PRKCQ: variants seen among roughly 807,000 people sequenced by gnomAD.
PRKCQ encodes protein kinase C theta type.
Under a neutral mutation model 91.2 loss-of-function variants are expected in PRKCQ, and 41 were observed. The observed-to-expected ratio is 0.45, with a 90% CI of 0.35 to 0.58. PRKCQ has a LOEUF of 0.58. Among genes scored for constraint, PRKCQ ranks in the 20% least tolerant of loss-of-function variants. The pLI, the probability that PRKCQ is intolerant of heterozygous loss-of-function variation, is 0.00. For synonymous variants in PRKCQ, 307 were observed against 316.9 expected, an observed-to-expected ratio of 0.97 and a Z score of 0.33; for missense variants, 673 against 896.5, an observed-to-expected ratio of 0.75 and a Z score of 3.18.
chr10:6,525,763 G>A (rs1839175803), intron 1 of PRKCQ, among the ~76,000 whole-genome samples: 1 of 152,150 alleles, frequency 6.6e-6, no homozygotes, highest in Non-Finnish European at 1.5e-5. Context: ...TCCCAGGTTG[G>A]TTTCTTTGAG....
chr10:6,488,812 C>CCATGTTGGCCAGGCTGGTCTCCAACT (rs1837087015), intron 8 of PRKCQ, among the ~76,000 whole-genome samples: 1 of 152,172 alleles, frequency 6.6e-6, no homozygotes, highest in African/African-American at 2.4e-5. Context: ...CAGGGTCTTG[C>CCATGTTGGCCAGGCTGGTCTCCAACT]TCTGTTGCCC....
chr10:6,436,715 G>A (rs1234117922), intron 16 of PRKCQ, among the ~76,000 whole-genome samples: 1 of 152,102 alleles, frequency 6.6e-6, no homozygotes, highest in Non-Finnish European at 1.5e-5. Flanking sequence ...ATAATGCCTT[G>A]GGTTGTTTTA....
At chr10:6,456,622 G>C (rs745337858) in intron 15 of PRKCQ, 52 bp downstream of exon 15, 3 of 1,589,260 alleles carry the variant, frequency 1.9e-6, no homozygotes, top group Admixed American at 1.8e-5. Context: ...AGAAGCAATG[G>C]CATGTGGCCA....
chr10:6,439,768 T>G (rs1833875050), intron 16 of PRKCQ, among the ~76,000 whole-genome samples: 1 of 152,224 alleles, frequency 6.6e-6, no homozygotes, highest in Non-Finnish European at 1.5e-5. Flanking sequence ...TAATTGACTT[T>G]GTGTTATTGG....
intron 8 of PRKCQ, 34 bp downstream of exon 8, chr10:6,491,649 A>T (rs1837310486): frequency 1.9e-6 from 3 of 1,612,326 alleles, no homozygotes; most frequent in Non-Finnish European, 2.5e-6. Context: ...TAGGGGGTCC[A>T]CGTCGGGCCA....
chr10:6,542,986 G>A (rs1445398888), intron 1 of PRKCQ, among the ~76,000 whole-genome samples: 1 of 152,188 alleles, frequency 6.6e-6, no homozygotes, highest in Non-Finnish European at 1.5e-5. Flanking sequence ...AATCCCCACT[G>A]CCATCACGTC....
chr10:6,570,878 G>T (rs1169868298), intron 1 of PRKCQ, among the ~76,000 whole-genome samples: 1 of 152,118 alleles, frequency 6.6e-6, no homozygotes, highest in Non-Finnish European at 1.5e-5. Context: ...TTCTTTCGTT[G>T]TGAAAGAAAA....
At chr10:6,434,758 C>G (rs1833616318) in intron 16 of PRKCQ, among the ~76,000 whole-genome samples, 2 of 152,220 alleles carry the variant, frequency 1.3e-5, no homozygotes, top group African/African-American at 4.8e-5. Context: ...GTAGTGCTGA[C>G]AGATTGTACC....
At chr10:6,561,932 G>C (rs1458006260) in intron 1 of PRKCQ, among the ~76,000 whole-genome samples, 1 of 152,172 alleles carries the variant, frequency 6.6e-6, no homozygotes, top group Non-Finnish European at 1.5e-5. Flanking sequence ...AAAAAGTAAA[G>C]GGAGTTGGAG....
chr10:6,434,687 T>C, intron 16 of PRKCQ, among the ~76,000 whole-genome samples: 1 of 152,212 alleles, frequency 6.6e-6, no homozygotes, highest in Non-Finnish European at 1.5e-5. Flanking sequence ...TTGAAGTTTG[T>C]TTAAGTTTAT....
rs1164221333 is a variant in PRKCQ at position 6,467,953 on chromosome 10, T to C, written c.1354-3549A>G. ...TGGGTGCAGAGGTGCATGCCTGTAA[T>C]CTCAGCTATTCATGAAGCTGAGGCT... is the stretch of plus-strand genomic sequence containing the variant. On this transcript the variant is annotated intron_variant, in intron 12 of 17. Coordinates refer to ENST00000263125, the MANE Select transcript of PRKCQ (RefSeq NM_006257.5). Among the ~76,000 whole-genome samples the C allele has an allele frequency of 7.9e-5, 12 of 152,182 alleles. No individual in the cohort carries two copies. In the East Asian group the frequency reaches 2.3e-3, roughly 29 times the overall value.
intron 14 of PRKCQ, among the ~76,000 whole-genome samples, chr10:6,457,532 T>C (rs953058457): frequency 6.6e-6 from 1 of 152,190 alleles, no homozygotes; most frequent in Non-Finnish European, 1.5e-5. Flanking sequence ...TTTCAGACCC[T>C]TTTGACCTTG....
rs1488425437 is a variant in PRKCQ at position 6,479,463 on chromosome 10, A to C, written c.1180-298T>G. On this transcript the variant is annotated intron_variant, in intron 11 of 17. Coordinates refer to ENST00000263125, the MANE Select transcript of PRKCQ (RefSeq NM_006257.5). ...GCTCAGGGATCTGAGTGAAGGTACA[A>C]TAAAAATCCAGAGAGATAAAGTGCA... Among the ~76,000 whole-genome samples the C allele has an allele frequency of 2.0e-5, 3 of 152,346 alleles. No homozygotes were observed. In the East Asian group the frequency reaches 5.8e-4, roughly 29 times the overall value.
chr10:6,471,806 ATAG>A (rs1835985038), intron 12 of PRKCQ, among the ~76,000 whole-genome samples: 1 of 152,110 alleles, frequency 6.6e-6, no homozygotes, highest in Non-Finnish European at 1.5e-5. Context: ...CAAAAGAGGG[ATAG>A]TAGATTCACA....
chr10:6,514,246 A>G (rs930726858), intron 2 of PRKCQ, among the ~76,000 whole-genome samples: 17 of 152,204 alleles, frequency 1.1e-4, no homozygotes, highest in African/African-American at 3.1e-4. Context: ...AAAGGTGTGC[A>G]GTCAGGAGAG....
intron 1 of PRKCQ, among the ~76,000 whole-genome samples, chr10:6,534,805 T>G (rs976350391): frequency 2.4e-4 from 36 of 148,200 alleles, no homozygotes; most frequent in African/African-American, 7.9e-4. Flanking sequence ...TATATATATA[T>G]ATATATAAAC....
At chr10:6,553,999 A>G (rs1348040128) in intron 1 of PRKCQ, among the ~76,000 whole-genome samples, 2 of 152,060 alleles carry the variant, frequency 1.3e-5, no homozygotes, top group Non-Finnish European at 2.9e-5. Flanking sequence ...TGTCGCAGAC[A>G]TCAAGTCTCG....
At chr10:6,527,794 C>T (rs1289158980) in intron 1 of PRKCQ, among the ~76,000 whole-genome samples, 1 of 152,126 alleles carries the variant, frequency 6.6e-6, no homozygotes, top group African/African-American at 2.4e-5. Context: ...CTTTCTGGCC[C>T]CTAAATCCTT....
At chr10:6,488,384 T>C (rs919305575) in intron 8 of PRKCQ, among the ~76,000 whole-genome samples, 1 of 140,216 alleles carries the variant, frequency 7.1e-6, no homozygotes, top group Admixed American at 7.4e-5. Context: ...TAAATAACTA[T>C]TACTTTTTTT....
Sources: allele counts gnomAD v4.1 joint callset (sites outside exome capture counted in the v4.1 genomes callset), GRCh38; gene constraint gnomAD v4.1.1; transcripts MANE v1.5; gene names NCBI Gene and HGNC (gene_info 2026-07-23, HGNC 2026-07-21).